CHSY3: variants seen among roughly 807,000 people sequenced by gnomAD.
CHSY3 encodes N-acetylgalactosaminyl-proteoglycan 3-beta-glucuronosyltransferase 3.
CHSY3 carries 35 observed loss-of-function variants against 67.2 expected under a neutral mutation model. That is an observed-to-expected ratio of 0.52 (90% CI 0.40 to 0.69). The LOEUF (loss-of-function observed/expected upper bound fraction) is 0.69, where lower values mean the gene tolerates loss of function less well. CHSY3 is among the 30% of genes least tolerant of loss of function. The pLI is 0.00. For synonymous variants in CHSY3, 474 were observed against 434.7 expected (o/e 1.09, Z -1.12); for missense variants, 1,069 against 1,138.5 (o/e 0.94, Z 0.88).
At chr5:130,011,709 G>C (rs182799939) in intron 2 of CHSY3, among the ~76,000 whole-genome samples, 190 of 152,256 alleles carry the variant, frequency 1.2e-3, no homozygotes, top group African/African-American at 4.4e-3. Flanking sequence ...TTTGTACTTA[G>C]AAAATGCCAT....
intron 2 of CHSY3, among the ~76,000 whole-genome samples, chr5:130,110,406 C>A (rs1453452532): frequency 2.0e-5 from 3 of 151,944 alleles, no homozygotes; most frequent in Admixed American, 2.0e-4. Context: ...TAATAACACA[C>A]AGGCAGAGGC....
At chr5:129,971,319 A>G (rs1001312660) in intron 2 of CHSY3, among the ~76,000 whole-genome samples, 4 of 151,872 alleles carry the variant, frequency 2.6e-5, no homozygotes, top group Non-Finnish European at 5.9e-5. Flanking sequence ...ATGCTGTTTT[A>G]AAGATATGAA....
chr5:130,072,314 A>T lies in CHSY3; in HGVS notation c.1087-111915A>T, dbSNP rs1306322423. ...ACATTTAAATCTTTAATTCATTTTGAGTTGATTTTTGTGTGATGTGAGAAA... is the reference window on the plus strand; with the variant it reads ...ACATTTAAATCTTTAATTCATTTTGTGTTGATTTTTGTGTGATGTGAGAAA... On this transcript the variant is annotated intron_variant, in intron 2 of 2. Transcript: ENST00000305031. 2.6e-5 allele frequency among the ~76,000 whole-genome samples: 4 copies of T among 151,864 alleles called. No individual in the cohort carries two copies. The South Asian group carries it at 6.2e-4, about 24-fold the overall frequency.
At chr5:130,104,140 G>A (rs1767340023) in intron 2 of CHSY3, among the ~76,000 whole-genome samples, 1 of 151,644 alleles carries the variant, frequency 6.6e-6, no homozygotes, top group South Asian at 2.1e-4. Flanking sequence ...ACCTTTTAGT[G>A]TTTGTATCAC....
intron 2 of CHSY3, among the ~76,000 whole-genome samples, chr5:130,161,370 C>T (rs1394142023): frequency 6.6e-6 from 1 of 152,170 alleles, no homozygotes; most frequent in Non-Finnish European, 1.5e-5. Flanking sequence ...TTACCACTCC[C>T]TTACATTACT....
At chr5:130,015,009 C>T (rs930414776) in intron 2 of CHSY3, among the ~76,000 whole-genome samples, 1 of 152,134 alleles carries the variant, frequency 6.6e-6, no homozygotes, top group African/African-American at 2.4e-5. Flanking sequence ...TATGGTTTGG[C>T]TCTGTACTCA....
intron 2 of CHSY3, among the ~76,000 whole-genome samples, chr5:129,978,045 A>G (rs1319819053): frequency 6.6e-6 from 1 of 152,116 alleles, no homozygotes; most frequent in Non-Finnish European, 1.5e-5. Flanking sequence ...CTTTTTCACA[A>G]TCTTCTGCCT....
At chr5:129,973,761 T>TA (rs1192783787) in intron 2 of CHSY3, among the ~76,000 whole-genome samples, 1 of 152,100 alleles carries the variant, frequency 6.6e-6, no homozygotes, top group African/African-American at 2.4e-5. Flanking sequence ...AGTAATCTTC[T>TA]AAAAAAAGTT....
intron 2 of CHSY3, among the ~76,000 whole-genome samples, chr5:130,028,639 A>C (rs1764622341): frequency 6.6e-6 from 1 of 152,110 alleles, no homozygotes; most frequent in African/African-American, 2.4e-5. Context: ...ACATAACTGA[A>C]AAGTATAGGG....
chr5:130,160,897 T>TA (rs1554087086), intron 2 of CHSY3, among the ~76,000 whole-genome samples: 1 of 139,694 alleles, frequency 7.2e-6, no homozygotes, highest in Non-Finnish European at 1.5e-5. Flanking sequence ...ATTTATTTAT[T>TA]TTTTTTTTTT....
At chr5:130,147,003 T>G (rs1412963596) in intron 2 of CHSY3, among the ~76,000 whole-genome samples, 2 of 152,092 alleles carry the variant, frequency 1.3e-5, no homozygotes, top group Non-Finnish European at 2.9e-5. Context: ...CACGTTGGCC[T>G]GGCTAGTCAT....
At chr5:130,084,771 A>G (rs1294559922) in intron 2 of CHSY3, among the ~76,000 whole-genome samples, 2 of 151,912 alleles carry the variant, frequency 1.3e-5, no homozygotes, top group African/African-American at 4.8e-5. Context: ...AGGTACTTTC[A>G]GGTAATTGAA....
At chr5:129,993,101 T>A (rs1763417446) in intron 2 of CHSY3, among the ~76,000 whole-genome samples, 1 of 152,178 alleles carries the variant, frequency 6.6e-6, no homozygotes, top group East Asian at 1.9e-4. Context: ...AAACGGGTAC[T>A]GTTATGTGCT....
chr5:129,907,490 C>G (rs763449212), intron 1 of CHSY3, among the ~76,000 whole-genome samples: 3 of 152,158 alleles, frequency 2.0e-5, no homozygotes, highest in Non-Finnish European at 4.4e-5. Context: ...TTTTTCTGAA[C>G]TTAACAAACT....
rs111268429 is a variant in CHSY3, at chr5:130,001,913, A to G, written c.1086+93553A>G. ...TGGTGGAAGCTGAAACAGTCACTTA[A>G]AATTCTGGCTAGTTCCTTTAAGATG... On this transcript the variant is annotated intron_variant, in intron 2 of 2. Coordinates refer to ENST00000305031, the MANE Select transcript of CHSY3 (RefSeq NM_175856.5). 574 of 900,074 alleles carry G rather than the reference A, an allele frequency of 6.4e-4. 5 individuals carry two copies. The African/African-American group carries it at 9.6e-3, about 15-fold the overall frequency. 55.8% of individuals were successfully genotyped at this position (900,074 alleles called of 1,614,324 possible). A position where few individuals can be genotyped will look rare whatever the true frequency, so the allele number is the denominator to read the frequency against.
intron 2 of CHSY3, among the ~76,000 whole-genome samples, chr5:130,010,383 T>G (rs765969158): frequency 2.0e-5 from 3 of 152,162 alleles, no homozygotes; most frequent in Non-Finnish European, 2.9e-5. Flanking sequence ...CTGAAGGACT[T>G]TTGGCCAAAC....
At position 129,904,777 on chromosome 5, in the gene CHSY3, C is replaced by G. The variant is rs550194260; in HGVS notation, c.-53C>G. 32 of 1,310,054 alleles carry G rather than the reference C, an allele frequency of 2.4e-5. No homozygotes were observed. The highest frequency in any genetic ancestry group is 3.1e-5 in the Non-Finnish European group (32 of 1,030,558). 81.2% of individuals were successfully genotyped at this position (1,310,054 alleles called of 1,614,324 possible). On this transcript the variant is annotated 5_prime_UTR_variant, in exon 1 of 3. Coordinates refer to ENST00000305031, the MANE Select transcript of CHSY3 (RefSeq NM_175856.5). ...GAGGGGCGGGTGTGAGCCGGGGAAA[C>G]CGCGTGCCGCGCCGCGACAGCCCAG... is the stretch of plus-strand genomic sequence containing the variant.
intron 2 of CHSY3, among the ~76,000 whole-genome samples, chr5:129,949,881 A>G (rs2149600292): frequency 6.6e-6 from 1 of 152,194 alleles, no homozygotes; most frequent in Admixed American, 6.6e-5. Context: ...TATGATGGAT[A>G]GGCTGGGCGC....
intron 2 of CHSY3, among the ~76,000 whole-genome samples, chr5:130,156,843 T>C (rs558974491): frequency 6.6e-6 from 1 of 152,352 alleles, no homozygotes; most frequent in South Asian, 2.1e-4. Flanking sequence ...GAAACTTTTT[T>C]AACAGCAAGA....
Sources: gnomAD v4.1 joint callset for allele counts (sites outside exome capture counted in the v4.1 genomes callset) on GRCh38, gnomAD v4.1.1 for gene constraint, MANE v1.5 for transcripts, NCBI Gene and HGNC (gene_info 2026-07-23, HGNC 2026-07-21) for gene names.